AGBL1: variants seen among roughly 807,000 people sequenced by gnomAD.
AGBL1 encodes the protein cytosolic carboxypeptidase 4.
Under a neutral mutation model 118.9 loss-of-function variants are expected in AGBL1, and 130 were observed. The observed-to-expected ratio is 1.09, with a 90% CI of 0.95 to 1.26. The LOEUF (loss-of-function observed/expected upper bound fraction) is 1.26. Among genes scored for constraint, AGBL1 ranks in the 50% most tolerant of loss-of-function variants. The pLI, the probability that AGBL1 is intolerant of heterozygous loss-of-function variation, is 0.00. For synonymous variants in AGBL1, 555 were observed against 478.9 expected, an observed-to-expected ratio of 1.16 and a Z score of -2.08; for missense variants, 1,584 against 1,298.1, an observed-to-expected ratio of 1.22 and a Z score of -3.38.
At chr15:86,520,824 G>A (rs141798510) in intron 18 of AGBL1, among the ~76,000 whole-genome samples, 88 of 152,346 alleles carry the variant, frequency 5.8e-4, no homozygotes, top group African/African-American at 2.0e-3. Context: ...GTGCCTGCAA[G>A]TACCTTGATT....
At chr15:86,736,305 G>A (rs901586773) in intron 22 of AGBL1, among the ~76,000 whole-genome samples, 3 of 151,926 alleles carry the variant, frequency 2.0e-5, no homozygotes, top group Non-Finnish European at 2.9e-5. Flanking sequence ...GCTTGAACCC[G>A]GGAGGCGGAG....
chr15:86,217,928 G>T (rs550132653), intron 5 of AGBL1, among the ~76,000 whole-genome samples: 1 of 152,194 alleles, frequency 6.6e-6, no homozygotes, highest in South Asian at 2.1e-4. Context: ...GACCACTCTA[G>T]TTGCAGACTG....
At chr15:86,328,810 A>G (rs916196837) in intron 17 of AGBL1, among the ~76,000 whole-genome samples, 4 of 152,214 alleles carry the variant, frequency 2.6e-5, no homozygotes, top group Admixed American at 2.0e-4. Context: ...TGAAGACACT[A>G]TGAGGGAAAG....
intron 18 of AGBL1, among the ~76,000 whole-genome samples, chr15:86,457,908 T>C (rs548668462): frequency 2.0e-5 from 3 of 152,282 alleles, no homozygotes; most frequent in South Asian, 2.1e-4. Flanking sequence ...GATTCTTCCA[T>C]GTGGGGCCCT....
intron 18 of AGBL1, among the ~76,000 whole-genome samples, chr15:86,479,179 C>T (rs1231839496): frequency 6.6e-6 from 1 of 152,144 alleles, no homozygotes; most frequent in Non-Finnish European, 1.5e-5. Flanking sequence ...TGGGCAAGGA[C>T]TTCCTGTCTA....
chr15:86,239,779 A>C (rs2078612783), intron 6 of AGBL1, among the ~76,000 whole-genome samples: 1 of 152,232 alleles, frequency 6.6e-6, no homozygotes, highest in Admixed American at 6.5e-5. Flanking sequence ...CTGTATCTCC[A>C]TTAGCCTTTC....
At chr15:86,482,053 C>G (rs966747421) in intron 18 of AGBL1, among the ~76,000 whole-genome samples, 2 of 152,126 alleles carry the variant, frequency 1.3e-5, no homozygotes, top group Admixed American at 1.3e-4. Context: ...ACTCATCGTT[C>G]ACAGCTTAGG....
At chr15:86,312,844 T>C (rs2079940994) in intron 17 of AGBL1, among the ~76,000 whole-genome samples, 1 of 152,144 alleles carries the variant, frequency 6.6e-6, no homozygotes, top group African/African-American at 2.4e-5. Context: ...GCTGTCACTG[T>C]CTCCCCTCAG....
chr15:86,203,925 A>G (rs879370373), intron 5 of AGBL1, among the ~76,000 whole-genome samples: 1 of 152,206 alleles, frequency 6.6e-6, no homozygotes, highest in Non-Finnish European at 1.5e-5. Context: ...ATGATTCAAT[A>G]ATTCAAAAGG....
At chr15:86,339,787 T>C (rs7182241) in intron 17 of AGBL1, among the ~76,000 whole-genome samples, 60,869 of 151,898 alleles carry the variant, frequency 0.4, 14,688 homozygotes, top group Non-Finnish European at 0.54. Context: ...GCCAACATGA[T>C]GAAACCCCGT....
intron 15 of AGBL1, among the ~76,000 whole-genome samples, chr15:86,275,089 G>A (rs1172500147): frequency 2.6e-5 from 4 of 152,074 alleles, no homozygotes; most frequent in South Asian, 2.1e-4. Flanking sequence ...TTAGTTCCCT[G>A]TGGTCTGCTT....
chr15:86,814,781 AT>A (rs2078836720), intron 22 of AGBL1, among the ~76,000 whole-genome samples: 1 of 152,166 alleles, frequency 6.6e-6, no homozygotes, highest in Non-Finnish European at 1.5e-5. Flanking sequence ...TCAATTTTTG[AT>A]TTCTTAAACA....
rs1447800512 is a variant in AGBL1 at position 86,926,473 on chromosome 15, T to C, written c.3222-61514T>C. Reference sequence around the variant, plus strand: ...TAAGAGACTCCATACAAATAGGTCATTTTGTTTGTGTTCAATGATATCATG... The same window carrying C: ...TAAGAGACTCCATACAAATAGGTCACTTTGTTTGTGTTCAATGATATCATG... On this transcript the variant is annotated intron_variant, in intron 23 of 24. Coordinates refer to the AGBL1 transcript ENST00000441037. 3.3e-5 allele frequency among the ~76,000 whole-genome samples: 5 copies of C among 152,254 alleles called. No individual in the cohort carries two copies. The East Asian group carries it at 9.7e-4, about 29-fold the overall frequency.
rs746219236 is a variant in AGBL1, at chr15:86,269,961, C to A, written c.1881C>A (p.Thr627=). ...DLLVNADVNS[T]QHQQWFYFKV... The stretch of plus-strand genomic sequence containing the variant: ...TGGTCAACGCAGATGTGAATAGCAC[C>A]CAGCACCAGCAGTGGTTCTATTTCA... Residue 627 remains threonine, a synonymous_variant, in exon 14 of 23, where the codon ACC becomes ACA. Coordinates refer to ENST00000614907, the MANE Select transcript of AGBL1 (RefSeq NM_001386094.1). 1 of 1,613,850 alleles carries A rather than the reference C, an allele frequency of 6.2e-7. No individual in the cohort carries two copies. Among genetic ancestry groups the A allele is most frequent in the Non-Finnish European group, 8.5e-7 (1 of 1,179,846 alleles).
chr15:86,849,310 G>A (rs185374070), intron 22 of AGBL1, among the ~76,000 whole-genome samples: 1 of 152,274 alleles, frequency 6.6e-6, no homozygotes. Flanking sequence ...CAGTTCCTCT[G>A]GCTGCTGAAG....
chr15:86,360,287 C>T (rs998226311), intron 17 of AGBL1, among the ~76,000 whole-genome samples: 1 of 147,842 alleles, frequency 6.8e-6, no homozygotes, highest in Non-Finnish European at 1.5e-5. Context: ...TGTTTTTTGG[C>T]ATCTACTGAT....
At chr15:86,304,033 A>C (rs1309555124) in intron 17 of AGBL1, among the ~76,000 whole-genome samples, 1 of 152,180 alleles carries the variant, frequency 6.6e-6, no homozygotes, top group African/African-American at 2.4e-5. Context: ...TCAGCTGTGC[A>C]ATAATGAGGG....
intron 24 of AGBL1, among the ~76,000 whole-genome samples, chr15:86,999,396 A>C (rs1596723954): frequency 8.4e-6 from 1 of 118,666 alleles, no homozygotes. Flanking sequence ...AACAGTCCCC[A>C]GAGTGTGATA....
chr15:86,774,157 G>C (rs1419106981), intron 22 of AGBL1, among the ~76,000 whole-genome samples: 1 of 152,108 alleles, frequency 6.6e-6, no homozygotes, highest in Non-Finnish European at 1.5e-5. Context: ...ACAGTAGCAA[G>C]AGAAGACCGG....
Sources: gnomAD v4.1 joint callset for allele counts (sites outside exome capture counted in the v4.1 genomes callset) on GRCh38, gnomAD v4.1.1 for gene constraint, MANE v1.5 for transcripts, NCBI Gene and HGNC (gene_info 2026-07-23, HGNC 2026-07-21) for gene names.